Variants in AIM2 observed in about 807,000 individuals in gnomAD.
The protein encoded by AIM2 is absent in melanoma 2.
AIM2 carries 30 observed loss-of-function variants against 27.7 expected under a neutral mutation model. The observed-to-expected ratio is 1.08, with a 90% CI of 0.81 to 1.47. The LOEUF (loss-of-function observed/expected upper bound fraction) is 1.47. Ranked by LOEUF, AIM2 falls within the 40% of genes most tolerant of loss-of-function variation. The probability of loss-of-function intolerance (pLI) is 0.00; values close to 1 mark genes in which losing one functional copy is unlikely to be tolerated. For synonymous variants in AIM2, 141 were observed against 145.3 expected (o/e 0.97, Z 0.21); for missense variants, 358 against 411.3 (o/e 0.87, Z 1.12).
intron 1 of AIM2, among the ~76,000 whole-genome samples, chr1:159,082,412 G>T (rs1006832608): frequency 2.0e-5 from 3 of 152,214 alleles, no homozygotes; most frequent in Non-Finnish European, 2.9e-5. Context: ...AGGCTGGGAA[G>T]TCCAAGATCA....
At chr1:159,093,488 G>A (rs72709592) in intron 1 of AIM2, among the ~76,000 whole-genome samples, 22 of 152,224 alleles carry the variant, frequency 1.4e-4, no homozygotes, top group Non-Finnish European at 2.8e-4. Flanking sequence ...TTATGACACA[G>A]CACTCCCAGT....
intron 1 of AIM2, among the ~76,000 whole-genome samples, chr1:159,110,062 C>G (rs945443104): frequency 6.6e-6 from 1 of 152,150 alleles, no homozygotes; most frequent in Non-Finnish European, 1.5e-5. Flanking sequence ...TACTGGGTAT[C>G]TACCCAGAAG....
At chr1:159,074,148 G>C (rs1346063466) in intron 1 of AIM2, among the ~76,000 whole-genome samples, 1 of 152,146 alleles carries the variant, frequency 6.6e-6, no homozygotes, top group Non-Finnish European at 1.5e-5. Flanking sequence ...GCATACACTG[G>C]AAGTATACAA....
chr1:159,101,445 C>T (rs1657310429), intron 1 of AIM2, among the ~76,000 whole-genome samples: 1 of 152,128 alleles, frequency 6.6e-6, no homozygotes, highest in Admixed American at 6.5e-5. Context: ...TGAGTATGAA[C>T]TAATACGGTA....
At chr1:159,128,562 C>T (rs1340741458) in intron 1 of AIM2, among the ~76,000 whole-genome samples, 1 of 152,152 alleles carries the variant, frequency 6.6e-6, no homozygotes, top group Non-Finnish European at 1.5e-5. Context: ...CCGACTTCTT[C>T]ACCTCTATGG....
At chr1:159,138,506 T>C (rs924853232) in intron 1 of AIM2, among the ~76,000 whole-genome samples, 3 of 152,230 alleles carry the variant, frequency 2.0e-5, no homozygotes, top group Non-Finnish European at 4.4e-5. Flanking sequence ...TGCTATTAGC[T>C]ATTATAATAT....
At chr1:159,087,073 T>G (rs759551663) in intron 1 of AIM2, among the ~76,000 whole-genome samples, 5 of 152,220 alleles carry the variant, frequency 3.3e-5, no homozygotes, top group African/African-American at 9.6e-5. Context: ...AAATACATAA[T>G]GAAAAATTCA....
At chr1:159,114,135 T>TA (rs1647264948) in intron 1 of AIM2, among the ~76,000 whole-genome samples, 1 of 152,124 alleles carries the variant, frequency 6.6e-6, no homozygotes, top group Non-Finnish European at 1.5e-5. Flanking sequence ...GTTCACAACT[T>TA]AGAGTAGTGG....
chr1:159,114,000 T>C (rs1198847348), intron 1 of AIM2, among the ~76,000 whole-genome samples: 1 of 152,220 alleles, frequency 6.6e-6, no homozygotes, highest in Non-Finnish European at 1.5e-5. Context: ...TAGCTTTCTG[T>C]TTCCTTTTTC....
At chr1:159,127,420 T>C (rs551945918) in intron 1 of AIM2, among the ~76,000 whole-genome samples, 1 of 152,354 alleles carries the variant, frequency 6.6e-6, no homozygotes, top group African/African-American at 2.4e-5. Context: ...TGAATGTCTG[T>C]GTCCCCACAA....
chr1:159,068,507 A>AAGTGAC (rs1403399106), intron 3 of AIM2, 61 bp downstream of exon 3: 3 of 1,528,638 alleles, frequency 2.0e-6, no homozygotes, highest in East Asian at 2.4e-5. Flanking sequence ...ACAATATGGG[A>AAGTGAC]AGTGACAGTG....
intron 1 of AIM2, among the ~76,000 whole-genome samples, chr1:159,097,193 G>A (rs577588845): frequency 6.6e-6 from 1 of 151,998 alleles, no homozygotes; most frequent in Non-Finnish European, 1.5e-5. Context: ...TAGCCACTGT[G>A]CCAATACATC....
chr1:159,091,596 C>A (rs1657044943), intron 1 of AIM2, among the ~76,000 whole-genome samples: 1 of 152,218 alleles, frequency 6.6e-6, no homozygotes, highest in African/African-American at 2.4e-5. Flanking sequence ...TTATCCTGAT[C>A]ATCTCTTGTG....
At chr1:159,061,945 T>C (rs1436334019), downstream of AIM2, among the ~76,000 whole-genome samples, 1 of 152,238 alleles carries the variant, frequency 6.6e-6, no homozygotes, top group East Asian at 1.9e-4. Context: ...AGAAGTTTTA[T>C]GGTTTTAGCT....
upstream of AIM2, chr1:159,081,473 G>T (rs547046002): frequency 2.0e-6 from 1 of 507,812 alleles, no homozygotes; most frequent in Non-Finnish European, 4.0e-6. Flanking sequence ...TCCAATCTGG[G>T]AAATGCTTCA....
chr1:159,107,328 G>C (rs1657471170), intron 1 of AIM2, among the ~76,000 whole-genome samples: 1 of 150,266 alleles, frequency 6.7e-6, no homozygotes, highest in South Asian at 2.1e-4. Flanking sequence ...GTGTGTGTGT[G>C]TGTGCGCGCA....
chr1:159,127,018 G>A (rs1570980099), intron 1 of AIM2, among the ~76,000 whole-genome samples: 2 of 152,272 alleles, frequency 1.3e-5, no homozygotes, highest in East Asian at 3.8e-4. Flanking sequence ...CTTACATAAA[G>A]TTTAAAAAGC....
At chr1:159,073,657 G>A in intron 1 of AIM2, 138 bp from the exon 2 acceptor site, 1 of 819,190 alleles carries the variant, frequency 1.2e-6, no homozygotes, top group Non-Finnish European at 1.9e-6. Context: ...GTAGGACATA[G>A]GTAAGAACTT....
chr1:159,124,761 C>T (rs1269565028), intron 1 of AIM2, among the ~76,000 whole-genome samples: 1 of 152,180 alleles, frequency 6.6e-6, no homozygotes, highest in Non-Finnish European at 1.5e-5. Flanking sequence ...TGAAGAACCA[C>T]CAGCGCACCT....
Sources: gnomAD v4.1 joint callset for allele counts (sites outside exome capture counted in the v4.1 genomes callset) on GRCh38, gnomAD v4.1.1 for gene constraint, MANE v1.5 for transcripts, NCBI Gene and HGNC (gene_info 2026-07-23, HGNC 2026-07-21) for gene names.